The following XPO1 variants were observed in gnomAD, a reference collection of about 807,000 sequenced individuals.
XPO1 encodes exportin 1, also known as exportin-1.
XPO1 carries 5 observed loss-of-function variants against 133.3 expected under a neutral mutation model. The ratio of observed to expected loss-of-function variants is 0.04; its 90% CI spans 0.02 to 0.08. The LOEUF (loss-of-function observed/expected upper bound fraction) is 0.08, where lower values mean the gene tolerates loss of function less well. XPO1 is among the 10% of genes least tolerant of loss of function. The pLI is 1.00. For missense variants in XPO1, 506 were observed against 1,267.5 expected, an observed-to-expected ratio of 0.40 and a Z score of 9.12; for synonymous variants, 419 against 408.2, an observed-to-expected ratio of 1.03 and a Z score of -0.32.
intron 2 of XPO1, among the ~76,000 whole-genome samples, chr2:61,527,448 A>C (rs1698955485): frequency 6.6e-6 from 1 of 152,060 alleles, no homozygotes; most frequent in African/African-American, 2.4e-5. Context: ...TGATGGTGCC[A>C]CTACACTTCA....
chr2:61,535,276 G>A lies in XPO1; in HGVS notation c.-6-1373C>T, dbSNP rs79048448. Reference sequence around the variant, plus strand: ...GGGTCTAAGATGCCTGAGACTCTGAGGAACCAATAGCTCTAACCCAGTTTT... The same window carrying A: ...GGGTCTAAGATGCCTGAGACTCTGAAGAACCAATAGCTCTAACCCAGTTTT... On this transcript the variant is annotated intron_variant, in intron 1 of 24. Transcript: ENST00000401558. 6.9e-3 allele frequency among the ~76,000 whole-genome samples: 1,044 copies of A among 152,282 alleles called. 8 individuals are homozygous for A. Among genetic ancestry groups the A allele is most frequent in the African/African-American group, 0.024 (991 of 41,556 alleles).
intron 20 of XPO1, chr2:61,485,472 G>GCCCCCCCCCC (rs1553402535): frequency 9.7e-6 from 1 of 103,080 alleles, no homozygotes; most frequent in African/African-American, 3.7e-5. Flanking sequence ...AGGCTCAAGT[G>GCCCCCCCCCC]ACCCCCCCCC....
At chr2:61,490,428 G>A (rs1025741591) in intron 17 of XPO1, among the ~76,000 whole-genome samples, 1 of 149,990 alleles carries the variant, frequency 6.7e-6, no homozygotes, top group Non-Finnish European at 1.5e-5. Context: ...CGAACTTCTG[G>A]CCTCAGGTGA....
At chr2:61,516,292 C>T (rs1558664795) in intron 4 of XPO1, among the ~76,000 whole-genome samples, 2 of 150,640 alleles carry the variant, frequency 1.3e-5, no homozygotes, top group Non-Finnish European at 3.0e-5. Context: ...GCAACAACAG[C>T]GAAACTCCGC....
At chr2:61,479,455 C>CAA (rs11439788) in intron 24 of XPO1, among the ~76,000 whole-genome samples, 47,633 of 150,468 alleles carry the variant, frequency 0.32, 7,984 homozygotes, top group Middle Eastern at 0.44. Flanking sequence ...TGTGCCCCCC[C>CAA]AAAAAAAACA....
intron 2 of XPO1, among the ~76,000 whole-genome samples, chr2:61,530,337 C>T (rs1323368386): frequency 6.6e-6 from 1 of 152,016 alleles, no homozygotes; most frequent in Non-Finnish European, 1.5e-5. Flanking sequence ...ATTCTAATCC[C>T]ACCATTCTTA....
intron 4 of XPO1, among the ~76,000 whole-genome samples, chr2:61,517,541 G>A (rs1698453979): frequency 6.6e-6 from 1 of 152,172 alleles, no homozygotes; most frequent in Non-Finnish European, 1.5e-5. Flanking sequence ...TGCTATGATT[G>A]TGCCACTGTA....
Position 61,492,514 on chromosome 2 carries a change from TAAC to T in XPO1, c.1567-36_1567-34del. 2.5e-6 allele frequency: 4 copies of T among 1,590,496 alleles called. No individual in the cohort carries two copies. The highest frequency in any genetic ancestry group is 1.8e-5 in the Admixed American group (1 of 54,322). The stretch of plus-strand genomic sequence containing the variant: ...TAAGACAAATTTGTATTATTTATTG[TAAC>T]AACATAATACTTATTTAGCAATTCT... On this transcript the variant is annotated intron_variant, in intron 14 of 24. Transcript: ENST00000401558. This position sits in a 1 kb window ranked among gnomAD's most constrained non-coding sequence, Gnocchi z 5.6.
chr2:61,510,032 C>T (rs775941000), intron 4 of XPO1, among the ~76,000 whole-genome samples: 2 of 152,074 alleles, frequency 1.3e-5, no homozygotes, highest in Non-Finnish European at 2.9e-5. Context: ...GTAATCCTAG[C>T]GCTGTGGGAG....
chr2:61,491,889 G>A, intron 16 of XPO1, 146 bp downstream of exon 16: 1 of 1,004,752 alleles, frequency 1.0e-6, no homozygotes, highest in Non-Finnish European at 1.4e-6. Context: ...AACAGAGTAA[G>A]ACCCTGTCTC....
chr2:61,482,714 T>C, intron 22 of XPO1, 175 bp from the exon 23 acceptor site: 1 of 759,656 alleles, frequency 1.3e-6, no homozygotes, highest in African/African-American at 1.8e-5. Flanking sequence ...CAAGCCATTC[T>C]CCTGCCTCAG....
At chr2:61,522,567 C>G (rs1255192731) in intron 4 of XPO1, 44 bp downstream of exon 4, 2 of 1,554,300 alleles carry the variant, frequency 1.3e-6, no homozygotes, top group Non-Finnish European at 8.9e-7. Flanking sequence ...ATAAAAATGC[C>G]AGGAAAAACA....
chr2:61,482,054 TTTTGC>T (rs1696398199), intron 23 of XPO1, among the ~76,000 whole-genome samples: 3 of 22,772 alleles, frequency 1.3e-4, no homozygotes, highest in African/African-American at 4.9e-4. Flanking sequence ...TTTTTTTTTT[TTTTGC>T]TTTTTTAAAG....
At chr2:61,498,975 C>A (rs967057307) in intron 7 of XPO1, 62 bp from the exon 8 acceptor site, 2 of 1,479,154 alleles carry the variant, frequency 1.4e-6, no homozygotes, top group Admixed American at 2.5e-5. Flanking sequence ...TATCAGTTAT[C>A]TATAATACTA....
intron 20 of XPO1, 60 bp from the exon 21 acceptor site, chr2:61,484,165 G>A: frequency 2.1e-6 from 3 of 1,452,110 alleles, no homozygotes; most frequent in Non-Finnish European, 9.6e-7. Flanking sequence ...CTAGACAGGA[G>A]GGGAAAAGCA....
intron 4 of XPO1, among the ~76,000 whole-genome samples, chr2:61,515,942 CACACACACACACACA>C (rs1558664368): frequency 2.5e-4 from 12 of 48,538 alleles, no homozygotes; most frequent in Non-Finnish European, 5.4e-4. Flanking sequence ...AAAAACCACA[CACACACACACACACA>C]CACACACACA....
intron 4 of XPO1, among the ~76,000 whole-genome samples, chr2:61,506,598 C>CAAAAAAAAA (rs71405128): frequency 0.13 from 10,248 of 80,590 alleles, 1,622 homozygotes; most frequent in East Asian, 0.29. Context: ...GATTCCGTCT[C>CAAAAAAAAA]AAAAAAAAAA....
Position 61,538,053 on chromosome 2 carries a change from C to CCT in XPO1, c.-499_-498insAG, listed in dbSNP as rs1553419759. 1.7e-5 allele frequency: 2 copies of CCT among 120,026 alleles called. No homozygotes were observed. Among genetic ancestry groups the CCT allele is most frequent in the African/African-American group, 6.1e-5 (2 of 32,652 alleles). The allele number at this position is 120,026 out of a possible 1,614,324, so 7.4% of individuals were successfully genotyped here. A position where few individuals can be genotyped will look rare whatever the true frequency, so the allele number is the denominator to read the frequency against. ...GGCTCCGGCGCTGGCCCCCCCCCCCCCAAGGCTCGCCTAAACTTTCCCCCC... is the reference window on the plus strand; with the variant it reads ...GGCTCCGGCGCTGGCCCCCCCCCCCCCTCAAGGCTCGCCTAAACTTTCCCCCC... On this transcript the variant is annotated 5_prime_UTR_variant, in exon 1 of 25. Coordinates refer to ENST00000401558, the MANE Select transcript of XPO1 (RefSeq NM_003400.4).
chr2:61,537,282 A>T (rs1699394404), intron 1 of XPO1, among the ~76,000 whole-genome samples: 1 of 150,956 alleles, frequency 6.6e-6, no homozygotes, highest in Non-Finnish European at 1.5e-5. Flanking sequence ...GCCCCGCTTC[A>T]CTATCACACT....
Sources: allele counts gnomAD v4.1 joint callset (sites outside exome capture counted in the v4.1 genomes callset), GRCh38; gene constraint gnomAD v4.1.1; non-coding constraint Gnocchi (gnomAD v3.1); transcripts MANE v1.5; gene names NCBI Gene and HGNC (gene_info 2026-07-23, HGNC 2026-07-21).